The following EXOC1 variants were observed in gnomAD, a reference collection of about 807,000 sequenced individuals.
The protein encoded by EXOC1 is exocyst complex component 1, also known as SEC3-like 1.
EXOC1 carries 67 observed loss-of-function variants against 107.7 expected under a neutral mutation model. The ratio of observed to expected loss-of-function variants is 0.62; its 90% CI spans 0.51 to 0.76. The LOEUF (loss-of-function observed/expected upper bound fraction) is 0.76. EXOC1 is among the 30% of genes least tolerant of loss of function. The probability of loss-of-function intolerance (pLI) is 0.00; values close to 1 mark genes in which losing one functional copy is unlikely to be tolerated. For missense variants in EXOC1, 833 were observed against 1,055.7 expected (o/e 0.79, Z 2.92); for synonymous variants, 348 against 353.5 (o/e 0.98, Z 0.17).
intron 1 of EXOC1, 70 bp downstream of exon 1, chr4:55,854,023 A>T (rs539740968): frequency 6.6e-6 from 1 of 152,310 alleles, no homozygotes; most frequent in South Asian, 2.1e-4. Context: ...CGGAGCTGGG[A>T]GGGCAGTCCT....
In EXOC1 at chr4:55,868,459, A is replaced by G. The variant is rs768134662; in HGVS notation, c.539A>G (p.Tyr180Cys). 1.3e-5 allele frequency: 21 copies of G among 1,613,806 alleles called. No homozygotes were observed. The highest frequency in any genetic ancestry group is 2.2e-5 in the East Asian group (1 of 44,872). ...DIEIMMEGCE[Y>C]AISNAEAFAE... is the part of the protein sequence containing the mutation. ...GAAATAATGATGGAAGGCTGTGAAT[A>G]TGCAATCTCGAATGCGGAAGCCTTT... is the stretch of plus-strand genomic sequence containing the variant. The change falls in exon 5 of 19, where the codon TAT becomes TGT. Residue 180 changes from tyrosine (Y) to cysteine (C), a missense_variant. This residue lies in a region of EXOC1 where 617 missense variants were observed against 701.3 expected (regional missense o/e 0.88). Transcript: ENST00000381295.
chr4:55,880,355 A>G (rs1237164423), intron 9 of EXOC1, among the ~76,000 whole-genome samples: 1 of 151,660 alleles, frequency 6.6e-6, no homozygotes, highest in Non-Finnish European at 1.5e-5. Flanking sequence ...TTGTCTGGCT[A>G]GCTATTTTAG....
In EXOC1 at chr4:55,860,502, T is replaced by G. The variant is rs1315565543; in HGVS notation, c.216T>G (p.Leu72=). ...DFYKRQIAWA[L]RDLAVVDAKD... Reference sequence around the variant, plus strand: ...ACAAAAGGCAGATTGCATGGGCCCTTCGAGATCTTGCTGTGGTAGATGCCA... The same window carrying G: ...ACAAAAGGCAGATTGCATGGGCCCTGCGAGATCTTGCTGTGGTAGATGCCA... Residue 72 remains leucine, a synonymous_variant, in exon 3 of 19, where the codon CTT becomes CTG. Transcript: ENST00000381295. 3 of 1,614,066 alleles carry G rather than the reference T, an allele frequency of 1.9e-6. No individual in the cohort carries two copies. Among genetic ancestry groups the G allele is most frequent in the Non-Finnish European group, 2.5e-6 (3 of 1,179,938 alleles).
Position 55,871,124 on chromosome 4 carries a change from T to C in EXOC1, c.855T>C (p.Gly285=). ...AGAACCACATGGACTTGGCCAAAGG[T>C]CATATAAAGGCCCTTCAGGAAGGAG... ...FLVNHMDLAK[G]HIKALQEGDL... Residue 285 remains glycine (G), a synonymous_variant, in exon 7 of 19, where the codon GGT becomes GGC. Transcript: ENST00000381295. The C allele has an allele frequency of 1.2e-6, 2 of 1,613,820 alleles. No individual in the cohort carries two copies. The highest frequency in any genetic ancestry group is 1.7e-6 in the Non-Finnish European group (2 of 1,179,864).
At chr4:55,887,900 C>G (rs1334673246) in intron 10 of EXOC1, among the ~76,000 whole-genome samples, 1 of 151,290 alleles carries the variant, frequency 6.6e-6, no homozygotes, top group African/African-American at 2.4e-5. Context: ...TTCATATTCC[C>G]TTGAGCTTCA....
chr4:55,891,437 G>A lies in EXOC1; in HGVS notation c.1647+15G>A, dbSNP rs766685830. The A allele has an allele frequency of 5.3e-6, 8 of 1,502,872 alleles. No individual in the cohort carries two copies. The highest frequency in any genetic ancestry group is 9.3e-7 in the Non-Finnish European group (1 of 1,079,180). The allele number at this position is 1,502,872 out of a possible 1,614,324, so 93.1% of individuals were successfully genotyped here. Reference sequence around the variant, plus strand: ...CTGGAACTATGGTATGGCTCACAGTGTATTTTGGATAGTATTTATGATCTG... The same window carrying A: ...CTGGAACTATGGTATGGCTCACAGTATATTTTGGATAGTATTTATGATCTG... On this transcript the variant is annotated intron_variant, in intron 13 of 18. Transcript: ENST00000381295.
chr4:55,873,761 GTGCA>G (rs537677820), intron 8 of EXOC1, among the ~76,000 whole-genome samples: 1 of 152,158 alleles, frequency 6.6e-6, no homozygotes, highest in Non-Finnish European at 1.5e-5. Context: ...GTTGCATTCA[GTGCA>G]TCAGGTCACC....
chr4:55,880,123 G>A (rs746333306), intron 9 of EXOC1, among the ~76,000 whole-genome samples: 2 of 152,000 alleles, frequency 1.3e-5, no homozygotes, highest in African/African-American at 2.4e-5. Context: ...CCATGCATTT[G>A]TGTTTACGTA....
intron 8 of EXOC1, chr4:55,872,605 T>C (rs887623622): frequency 6.2e-6 from 1 of 160,950 alleles, no homozygotes; most frequent in African/African-American, 2.4e-5. Flanking sequence ...TAAAAGTCCC[T>C]TTTATTTTAT....
At position 55,892,664 on chromosome 4, in the gene EXOC1, A is replaced by G. The variant is rs377685616; in HGVS notation, c.1677A>G (p.Thr559=). ...MAEAEDLDGG[T]LSRQHNCGTP... Reference sequence around the variant, plus strand: ...AAGCAGAGGACCTGGATGGAGGAACATTATCACGGCAACATAATTGTGGCA... The same window carrying G: ...AAGCAGAGGACCTGGATGGAGGAACGTTATCACGGCAACATAATTGTGGCA... Residue 559 remains threonine, a synonymous_variant, in exon 14 of 19, where the codon ACA becomes ACG. Transcript: ENST00000381295. The G allele has an allele frequency of 1.2e-6, 2 of 1,614,044 alleles. No homozygotes were observed. Among genetic ancestry groups the G allele is most frequent in the African/African-American group, 2.7e-5 (2 of 74,926 alleles).
At chr4:55,889,942 A>G (rs145756449) in intron 11 of EXOC1, among the ~76,000 whole-genome samples, 1,924 of 152,294 alleles carry the variant, frequency 0.013, 38 homozygotes, top group Non-Finnish European at 0.018. Flanking sequence ...ACTTTATGAA[A>G]TGGGCAGGTT....
At chr4:55,882,310 T>C (rs1723473657) in intron 9 of EXOC1, among the ~76,000 whole-genome samples, 1 of 152,072 alleles carries the variant, frequency 6.6e-6, no homozygotes, top group African/African-American at 2.4e-5. Context: ...CCGGCTAATT[T>C]TGCATTTTCT....
At chr4:55,896,598 T>G (rs1407397667) in intron 15 of EXOC1, 119 bp from the exon 16 acceptor site, 1 of 747,826 alleles carries the variant, frequency 1.3e-6, no homozygotes, top group Non-Finnish European at 2.0e-6. Flanking sequence ...CCACATAATA[T>G]CCTGCCTCTA....
intron 2 of EXOC1, among the ~76,000 whole-genome samples, chr4:55,858,860 T>C (rs1016411392): frequency 1.3e-5 from 2 of 152,202 alleles, no homozygotes; most frequent in Non-Finnish European, 2.9e-5. Flanking sequence ...GGCTTGTCTT[T>C]TCACTTTTTA....
intron 13 of EXOC1, 95 bp from the exon 14 acceptor site, chr4:55,892,540 C>T: frequency 1.1e-6 from 1 of 929,758 alleles, no homozygotes. Context: ...TGTATTCTTT[C>T]CTAGGAATTT....
intron 1 of EXOC1, among the ~76,000 whole-genome samples, chr4:55,856,876 G>T (rs1235221454): frequency 6.6e-6 from 1 of 151,792 alleles, no homozygotes; most frequent in Non-Finnish European, 1.5e-5. Flanking sequence ...AGTGATTTTT[G>T]GCATATTCAC....
At chr4:55,874,792 T>C in intron 8 of EXOC1, among the ~76,000 whole-genome samples, 1 of 152,204 alleles carries the variant, frequency 6.6e-6, no homozygotes, top group East Asian at 1.9e-4. Context: ...TAGGGATTTC[T>C]GTATCTAGAA....
In EXOC1 at chr4:55,890,267, C is replaced by T; in HGVS notation, c.1420C>T (p.Leu474=). The stretch of plus-strand genomic sequence containing the variant: ...GAAATTAACTGGATCTACTTCTAGT[C>T]TAAATAAGCTCAGTGTTCAGAGTTC... ...SGKLTGSTSS[L]NKLSVQSSGN... The change falls in exon 12 of 19, where the codon CTA becomes TTA. Residue 474 remains leucine (L), a synonymous_variant. Coordinates refer to ENST00000381295, the MANE Select transcript of EXOC1 (RefSeq NM_001024924.2). 6.2e-7 allele frequency: 1 copy of T among 1,613,974 alleles called. No homozygotes were observed. Among genetic ancestry groups the T allele is most frequent in the Non-Finnish European group, 8.5e-7 (1 of 1,179,924 alleles).
chr4:55,891,464 A>T (rs757255875), intron 13 of EXOC1, 42 bp downstream of exon 13: 33 of 1,301,118 alleles, frequency 2.5e-5, no homozygotes, highest in African/African-American at 4.4e-5. Flanking sequence ...TATGATCTGT[A>T]ATATAATTAG....
Sources: allele counts gnomAD v4.1 joint callset (sites outside exome capture counted in the v4.1 genomes callset), GRCh38; gene constraint gnomAD v4.1.1; regional missense constraint gnomAD v4.1.1; transcripts MANE v1.5; gene names NCBI Gene and HGNC (gene_info 2026-07-23, HGNC 2026-07-21).